Variants in SCD5 observed in about 807,000 individuals in gnomAD.
SCD5 encodes the protein stearoyl-CoA desaturase 5, also known as acyl-CoA-desaturase 4.
A neutral mutation model predicts 30.4 loss-of-function variants in SCD5; 20 were observed. The observed-to-expected ratio is 0.66, with a 90% CI of 0.46 to 0.96. SCD5 has a LOEUF of 0.96. SCD5 is among the 40% of genes least tolerant of loss of function. The pLI is 0.00. For synonymous variants in SCD5, 173 were observed against 176.4 expected, an observed-to-expected ratio of 0.98 and a Z score of 0.16; for missense variants, 381 against 443.3, an observed-to-expected ratio of 0.86 and a Z score of 1.26.
At chr4:82,791,346 A>G (rs1386288486) in intron 1 of SCD5, among the ~76,000 whole-genome samples, 1 of 151,958 alleles carries the variant, frequency 6.6e-6, no homozygotes, top group Non-Finnish European at 1.5e-5. Flanking sequence ...GGCATTTGTG[A>G]GGGAAAACAG....
chr4:82,699,886 T>C (rs1719779851), intron 2 of SCD5, among the ~76,000 whole-genome samples: 1 of 151,726 alleles, frequency 6.6e-6, no homozygotes, highest in South Asian at 2.1e-4. Context: ...GGTCTCGATC[T>C]CTTGACCTCG....
chr4:82,712,052 C>G (rs201753541), intron 1 of SCD5, among the ~76,000 whole-genome samples: 1 of 149,276 alleles, frequency 6.7e-6, no homozygotes, highest in African/African-American at 2.5e-5. Context: ...ACTTTATACA[C>G]AGTAACTCAT....
At chr4:82,678,751 G>A (rs1728488893) in intron 3 of SCD5, among the ~76,000 whole-genome samples, 2 of 152,094 alleles carry the variant, frequency 1.3e-5, no homozygotes, top group South Asian at 4.1e-4. Flanking sequence ...AATAGAAAGA[G>A]ATACTACTGA....
At chr4:82,643,424 C>T (rs1197945826) in intron 3 of SCD5, among the ~76,000 whole-genome samples, 1 of 152,154 alleles carries the variant, frequency 6.6e-6, no homozygotes, top group East Asian at 1.9e-4. Flanking sequence ...TATGCTGCAA[C>T]ATGGATGGGC....
chr4:82,795,481 A>G (rs1722191474), intron 1 of SCD5, among the ~76,000 whole-genome samples: 1 of 152,180 alleles, frequency 6.6e-6, no homozygotes, highest in African/African-American at 2.4e-5. Flanking sequence ...TAGCCTAGCC[A>G]TCAGCACAGC....
At chr4:82,703,099 G>C (rs1015061822) in intron 2 of SCD5, among the ~76,000 whole-genome samples, 2 of 152,182 alleles carry the variant, frequency 1.3e-5, no homozygotes, top group African/African-American at 4.8e-5. Flanking sequence ...GGCGAAGCTT[G>C]TGACTCTTTG....
chr4:82,634,175 T>C (rs1727376335), intron 4 of SCD5, among the ~76,000 whole-genome samples: 1 of 152,256 alleles, frequency 6.6e-6, no homozygotes, highest in African/African-American at 2.4e-5. Flanking sequence ...TTGTGTTGTT[T>C]CCACTTTTAG....
rs753840141 is a variant in SCD5 at position 82,680,766 on chromosome 4, C to T, written c.510G>A (p.Lys170=). The change falls in exon 3 of 5, where the codon AAG becomes AAA. Residue 170 remains lysine (K), a synonymous_variant. Transcript: ENST00000319540. ...FVRKHRDVIE[K]GRKLDVTDLL... ...GGTCAGTGACGTCAAGCTTTCTCCCCTTCTCAATAACATCTCGATGCTTGC... is the reference window on the plus strand; with the variant it reads ...GGTCAGTGACGTCAAGCTTTCTCCCTTTCTCAATAACATCTCGATGCTTGC... The T allele has an allele frequency of 1.9e-6, 3 of 1,614,104 alleles. No homozygotes were observed. The highest frequency in any genetic ancestry group is 4.5e-5 in the East Asian group (2 of 44,868).
At chr4:82,669,756 TTGAAA>T (rs1468281336) in intron 3 of SCD5, among the ~76,000 whole-genome samples, 1 of 152,196 alleles carries the variant, frequency 6.6e-6, no homozygotes, top group African/African-American at 2.4e-5. Flanking sequence ...AAGAGCCACT[TTGAAA>T]TATACCAGAG....
At chr4:82,657,748 AT>A (rs1187431258) in intron 3 of SCD5, among the ~76,000 whole-genome samples, 1 of 152,138 alleles carries the variant, frequency 6.6e-6, no homozygotes, top group Non-Finnish European at 1.5e-5. Flanking sequence ...ATGTTTTTCC[AT>A]TTGTTTGTAT....
At chr4:82,645,111 C>G (rs1727611698) in intron 3 of SCD5, among the ~76,000 whole-genome samples, 2 of 152,128 alleles carry the variant, frequency 1.3e-5, no homozygotes, top group South Asian at 4.1e-4. Context: ...GTCAGGAGTT[C>G]AAGAGCAGCC....
chr4:82,696,431 G>C (rs188242985), intron 2 of SCD5, among the ~76,000 whole-genome samples: 2 of 152,288 alleles, frequency 1.3e-5, no homozygotes, highest in Admixed American at 1.3e-4. Context: ...TCTAATAAAG[G>C]GGTGGGGAAG....
rs76772484 is a variant in SCD5 at position 82,786,993 on chromosome 4, C to T, written c.232+11313G>A. ...TTAAAATAAGGTTTTCCGTCCACTCCGGCCAAAAGCTATTGTTTTGTTTCA... is the reference window on the plus strand; with the variant it reads ...TTAAAATAAGGTTTTCCGTCCACTCTGGCCAAAAGCTATTGTTTTGTTTCA... On this transcript the variant is annotated intron_variant, in intron 1 of 4. Coordinates refer to ENST00000319540, the MANE Select transcript of SCD5 (RefSeq NM_001037582.3). Among the ~76,000 whole-genome samples the T allele has an allele frequency of 6.0e-3, 918 of 152,198 alleles. 8 individuals carry two copies. The highest frequency in any genetic ancestry group is 0.021 in the African/African-American group (861 of 41,506).
chr4:82,773,949 C>T (rs375814118), intron 1 of SCD5, among the ~76,000 whole-genome samples: 1 of 151,966 alleles, frequency 6.6e-6, no homozygotes, highest in South Asian at 2.1e-4. Flanking sequence ...ATTAGCCTGG[C>T]ATGGTGGCGC....
chr4:82,669,760 A>C (rs765147446), intron 3 of SCD5, among the ~76,000 whole-genome samples: 1 of 152,216 alleles, frequency 6.6e-6, no homozygotes, highest in Non-Finnish European at 1.5e-5. Context: ...GCCACTTTGA[A>C]ATATACCAGA....
At chr4:82,647,196 T>A (rs1727649982) in intron 3 of SCD5, among the ~76,000 whole-genome samples, 1 of 152,026 alleles carries the variant, frequency 6.6e-6, no homozygotes, top group Non-Finnish European at 1.5e-5. Context: ...CATGTATACA[T>A]GTGTGTATGT....
chr4:82,679,281 AAGGAAGG>A (rs1390015374), intron 3 of SCD5, among the ~76,000 whole-genome samples: 10 of 120,430 alleles, frequency 8.3e-5, no homozygotes, highest in Admixed American at 4.7e-4. Flanking sequence ...AGAAAGAAAG[AAGGAAGG>A]AAAGAAAGAA....
At chr4:82,709,993 G>A (rs955765579) in intron 1 of SCD5, among the ~76,000 whole-genome samples, 1 of 152,148 alleles carries the variant, frequency 6.6e-6, no homozygotes, top group Non-Finnish European at 1.5e-5. Context: ...GAGACCCAGA[G>A]ACATTAAATA....
In SCD5 at chr4:82,631,472, G is replaced by A. The variant is rs1727290658; in HGVS notation, c.848C>T (p.Ser283Phe). 1 of 1,614,224 alleles carries A rather than the reference G, an allele frequency of 6.2e-7. No homozygotes were observed. Among genetic ancestry groups the A allele is most frequent in the Non-Finnish European group, 8.5e-7 (1 of 1,180,042 alleles). Residue 283 changes from serine to phenylalanine, a missense_variant, in exon 5 of 5, where the codon TCT becomes TTT. Transcript: ENST00000319540. ...NYHHTFPFDY[S>F]ASEFGLNFNP... ...AAAATTTAAGCCAAATTCACTCGCA[G>A]AGTAGTCAAAGGGAAAGGTGTGATG...
Sources: allele counts gnomAD v4.1 joint callset (sites outside exome capture counted in the v4.1 genomes callset), GRCh38; gene constraint gnomAD v4.1.1; transcripts MANE v1.5; gene names NCBI Gene and HGNC (gene_info 2026-07-23, HGNC 2026-07-21).